Variants in EFHC2 observed in about 807,000 individuals in gnomAD.
EFHC2 encodes the protein EF-hand domain-containing family member C2.
EFHC2 carries 18 observed loss-of-function variants against 52.7 expected under a neutral mutation model. That is an observed-to-expected ratio of 0.34 (90% CI 0.24 to 0.51). The LOEUF (loss-of-function observed/expected upper bound fraction) is 0.51. Ranked by LOEUF, EFHC2 falls within the 20% of genes least tolerant of loss-of-function variation. The pLI, the probability that EFHC2 is intolerant of heterozygous loss-of-function variation, is 0.97. For synonymous variants in EFHC2, 203 were observed against 204.1 expected, an observed-to-expected ratio of 0.99 and a Z score of 0.04; for missense variants, 513 against 562.5, an observed-to-expected ratio of 0.91 and a Z score of 0.89.
intron 4 of EFHC2, among the ~76,000 whole-genome samples, chrX:44,254,577 A>T (rs146295332): frequency 0.012 from 1,310 of 111,923 alleles, 13 homozygotes; most frequent in Non-Finnish European, 0.017. Flanking sequence ...TAGAGAAGAA[A>T]GAATGAAAAG....
At chrX:44,272,572 G>T in intron 3 of EFHC2, 114 bp downstream of exon 3, 1 of 745,926 alleles carries the variant, frequency 1.3e-6, no homozygotes, top group Non-Finnish European at 1.9e-6. Flanking sequence ...ACCACTGCCA[G>T]CAGGTTAGAC....
chrX:44,152,104 T>C (rs2036574811), intron 14 of EFHC2, among the ~76,000 whole-genome samples: 1 of 112,168 alleles, frequency 8.9e-6, no homozygotes. Flanking sequence ...TGCAGGGTTA[T>C]AGATAGGAAT....
At chrX:44,180,449 A>G (rs1250169708) in intron 11 of EFHC2, among the ~76,000 whole-genome samples, 1 of 112,122 alleles carries the variant, frequency 8.9e-6, no homozygotes, top group Non-Finnish European at 1.9e-5. Context: ...CATTAAAAGC[A>G]TTATGTTTGG....
intron 11 of EFHC2, among the ~76,000 whole-genome samples, chrX:44,229,376 G>A (rs763118501): frequency 9.0e-6 from 1 of 111,679 alleles, no homozygotes; most frequent in South Asian, 3.8e-4. Context: ...GCATTCTGCT[G>A]ATCCTTCAAC....
At position 44,273,869 on chromosome X, in the gene EFHC2, T is replaced by C. The variant is rs766122397; in HGVS notation, c.232-1033A>G. On this transcript the variant is annotated intron_variant, in intron 2 of 14. Transcript: ENST00000420999. ...GCAAAACTTAACTGTGCATATGATG[T>C]AACTCCAGGGTTATTCAATGTGGAC... 2.0e-4 allele frequency among the ~76,000 whole-genome samples: 22 copies of C among 111,911 alleles called. No individual in the cohort carries two copies. The South Asian group carries it at 8.3e-3, about 42-fold the overall frequency.
chrX:44,297,563 A>G lies in EFHC2; in HGVS notation c.231+15005T>C, dbSNP rs577352830. Among the ~76,000 whole-genome samples the G allele has an allele frequency of 4.6e-5, 5 of 108,749 alleles. No homozygotes were observed. In the South Asian group the frequency reaches 2.0e-3, roughly 44 times the overall value. 94.4% of individuals were successfully genotyped at this position (108,749 alleles called of 115,157 possible). ...ACATGGTGAAACCCCATCTATACTA[A>G]AAAAAATATATAAAAATTAGCTGGG... On this transcript the variant is annotated intron_variant, in intron 2 of 14. Coordinates refer to ENST00000420999, the MANE Select transcript of EFHC2 (RefSeq NM_025184.4).
At position 44,248,794 on chromosome X, in the gene EFHC2, G is replaced by C. The variant is rs773581035; in HGVS notation, c.972+9C>G. ...CTAGAAACAGGTAATAAAATATGAG[G>C]TTCCTTCCCTTATATCTATCGAACA... On this transcript the variant is annotated intron_variant, in intron 6 of 14. Transcript: ENST00000420999. 1.7e-6 allele frequency: 2 copies of C among 1,191,165 alleles called. No individual in the cohort carries two copies. The highest frequency in any genetic ancestry group is 5.9e-5 in the East Asian group (2 of 33,692).
At position 44,330,207 on chromosome X, in the gene EFHC2, G is replaced by C. The variant is rs1348816062; in HGVS notation, c.42+13340C>G. Among the ~76,000 whole-genome samples the C allele has an allele frequency of 1.8e-5, 2 of 109,850 alleles. 1 individual carries two copies. Among genetic ancestry groups the C allele is most frequent in the Admixed American group, 2.0e-4 (2 of 10,225 alleles). The stretch of plus-strand genomic sequence containing the variant: ...GGAGGTTGAGTCTGCAGTGAGCCGA[G>C]ATTGTGCCACTGCACTCCAGCCTGG... On this transcript the variant is annotated intron_variant, in intron 1 of 14. Transcript: ENST00000420999.
In EFHC2 at chrX:44,161,101, C is replaced by T. The variant is rs150987376; in HGVS notation, c.2148+2821G>A. ...ACAATACATGAGGAAATGATAAAAC[C>T]CCCAACACAGAGGTAAACATTTGGG... On this transcript the variant is annotated intron_variant, in intron 14 of 14. Transcript: ENST00000420999. 2.7e-5 allele frequency among the ~76,000 whole-genome samples: 3 copies of T among 111,171 alleles called. No homozygotes were observed. In the East Asian group the frequency reaches 8.5e-4, roughly 31 times the overall value.
chrX:44,311,321 C>T (rs756237832), intron 2 of EFHC2, among the ~76,000 whole-genome samples: 1 of 112,149 alleles, frequency 8.9e-6, no homozygotes, highest in Admixed American at 9.4e-5. Context: ...TTGATCTACC[C>T]TATCACAGAT....
At chrX:44,223,220 A>C in intron 11 of EFHC2, among the ~76,000 whole-genome samples, 1 of 112,565 alleles carries the variant, frequency 8.9e-6, no homozygotes, top group South Asian at 3.7e-4. Flanking sequence ...ACAGAAGAAA[A>C]GCAGCTCAGG....
In EFHC2 at chrX:44,343,643, G is replaced by GA. The variant is rs758879208; in HGVS notation, c.-56_-55insT. The GA allele has an allele frequency of 2.9e-6, 3 of 1,024,175 alleles. No homozygotes were observed. The highest frequency in any genetic ancestry group is 3.8e-6 in the Non-Finnish European group (3 of 796,280). The allele number at this position is 1,024,175 out of a possible 1,213,427, so 84.4% of individuals were successfully genotyped here. A position where few individuals can be genotyped will look rare whatever the true frequency, so the allele number is the denominator to read the frequency against. Reference sequence around the variant, plus strand: ...CAGAAGAGAGGGCCCGGCAGGCAGCGGCGCCTCCCGGCCGTGTTGTTTGGC... The same window carrying GA: ...CAGAAGAGAGGGCCCGGCAGGCAGCGAGCGCCTCCCGGCCGTGTTGTTTGGC... On this transcript the variant is annotated 5_prime_UTR_variant, in exon 1 of 15. Coordinates refer to ENST00000420999, the MANE Select transcript of EFHC2 (RefSeq NM_025184.4).
chrX:44,315,724 T>A (rs981835303), intron 1 of EFHC2, among the ~76,000 whole-genome samples: 1 of 110,109 alleles, frequency 9.1e-6, no homozygotes, highest in Admixed American at 9.8e-5. Flanking sequence ...CCTGGAGGAA[T>A]GAGATGAATT....
chrX:44,227,738 T>G (rs190508342), intron 11 of EFHC2, among the ~76,000 whole-genome samples: 1 of 111,017 alleles, frequency 9.0e-6, no homozygotes, highest in Non-Finnish European at 1.9e-5. Flanking sequence ...GTGAAAAATA[T>G]AAACAAGTGG....
chrX:44,317,569 T>C (rs2037991128), intron 1 of EFHC2, among the ~76,000 whole-genome samples: 1 of 112,882 alleles, frequency 8.9e-6, no homozygotes, highest in East Asian at 2.8e-4. Flanking sequence ...GCAGATCATT[T>C]GAGTCCAGGA....
At chrX:44,153,280 GA>G (rs749468824) in intron 14 of EFHC2, among the ~76,000 whole-genome samples, 28 of 112,052 alleles carry the variant, frequency 2.5e-4, no homozygotes, top group African/African-American at 8.4e-4. Context: ...AATTTAAGAT[GA>G]AAAGATAACA....
chrX:44,326,248 G>A (rs1239944863), intron 1 of EFHC2, among the ~76,000 whole-genome samples: 2 of 110,797 alleles, frequency 1.8e-5, no homozygotes, highest in Admixed American at 9.8e-5. Context: ...GGGAAGGAGA[G>A]GAGGTGGGGA....
intron 11 of EFHC2, among the ~76,000 whole-genome samples, chrX:44,222,323 C>A (rs1252427252): frequency 9.0e-6 from 1 of 111,530 alleles, no homozygotes; most frequent in Non-Finnish European, 1.9e-5. Context: ...CATTCACCCC[C>A]AAAAGATTGT....
At chrX:44,149,854 C>T (rs1205994069) in intron 14 of EFHC2, among the ~76,000 whole-genome samples, 1 of 112,315 alleles carries the variant, frequency 8.9e-6, no homozygotes, top group Non-Finnish European at 1.9e-5. Context: ...TCTATACTGG[C>T]TGATTGGTTA....
Sources: allele counts gnomAD v4.1 joint callset (sites outside exome capture counted in the v4.1 genomes callset), GRCh38; gene constraint gnomAD v4.1.1; transcripts MANE v1.5; gene names NCBI Gene and HGNC (gene_info 2026-07-23, HGNC 2026-07-21).